The following NTM variants were observed in gnomAD, a reference collection of about 807,000 sequenced individuals.
The protein encoded by NTM is neurotrimin, also known as IgLON family member 2.
Under a neutral mutation model 42.1 loss-of-function variants are expected in NTM, and 13 were observed. The ratio of observed to expected loss-of-function variants is 0.31; its 90% CI spans 0.20 to 0.49. The LOEUF is 0.49. NTM is among the 20% of genes least tolerant of loss of function. NTM has a pLI of 0.99. For synonymous variants in NTM, 187 were observed against 179.2 expected (o/e 1.04, Z -0.35); for missense variants, 373 against 452.8 (o/e 0.82, Z 1.60).
intron 2 of NTM, among the ~76,000 whole-genome samples, chr11:131,971,777 G>A (rs1162121007): frequency 6.6e-6 from 1 of 152,008 alleles, no homozygotes; most frequent in Admixed American, 6.5e-5. Context: ...TGGGCGCAGT[G>A]GCTCACGCCT....
chr11:131,798,864 C>T (rs534731404), intron 1 of NTM, among the ~76,000 whole-genome samples: 24 of 152,316 alleles, frequency 1.6e-4, no homozygotes, highest in East Asian at 3.9e-4. Flanking sequence ...CAGATGGTAA[C>T]GCCCAGTGAA....
intron 1 of NTM, among the ~76,000 whole-genome samples, chr11:131,498,896 C>T (rs1955634351): frequency 6.6e-6 from 1 of 152,194 alleles, no homozygotes; most frequent in Non-Finnish European, 1.5e-5. Context: ...TTCTGCCTGG[C>T]ATTGTCTTGC....
chr11:131,927,511 G>A (rs1172519265), intron 2 of NTM, among the ~76,000 whole-genome samples: 1 of 152,168 alleles, frequency 6.6e-6, no homozygotes. Flanking sequence ...GTAAATGGAT[G>A]CAGCTTTGTC....
chr11:131,980,955 T>A (rs948678738), intron 2 of NTM: 2 of 152,254 alleles, frequency 1.3e-5, no homozygotes, highest in Non-Finnish European at 2.9e-5. Flanking sequence ...TATCCACCTG[T>A]CATTACTTCA....
chr11:132,133,486 C>T (rs1361621114), intron 2 of NTM, among the ~76,000 whole-genome samples: 1 of 152,180 alleles, frequency 6.6e-6, no homozygotes, highest in African/African-American at 2.4e-5. Context: ...AGTTCATCCA[C>T]ATCTTTGGAG....
At chr11:131,645,090 A>G (rs1426499248) in intron 1 of NTM, among the ~76,000 whole-genome samples, 1 of 152,146 alleles carries the variant, frequency 6.6e-6, no homozygotes, top group African/African-American at 2.4e-5. Context: ...TCTAGGCCCT[A>G]TTTTAAGTGC....
At chr11:132,127,837 T>C (rs1487717565) in intron 2 of NTM, among the ~76,000 whole-genome samples, 1 of 152,204 alleles carries the variant, frequency 6.6e-6, no homozygotes. Context: ...GGAGAAAGAG[T>C]GTCATGCCGG....
intron 4 of NTM, among the ~76,000 whole-genome samples, chr11:132,225,825 T>C (rs1260353236): frequency 6.6e-6 from 1 of 152,200 alleles, no homozygotes; most frequent in Non-Finnish European, 1.5e-5. Context: ...ACCCATCATG[T>C]ACATTAGGTA....
intron 1 of NTM, among the ~76,000 whole-genome samples, chr11:131,733,046 T>G (rs2079900138): frequency 6.6e-6 from 1 of 152,210 alleles, no homozygotes; most frequent in Admixed American, 6.5e-5. Flanking sequence ...ACCATATTGT[T>G]GATCATTAAG....
intron 1 of NTM, among the ~76,000 whole-genome samples, chr11:131,690,718 C>T (rs916066272): frequency 2.6e-5 from 4 of 152,308 alleles, no homozygotes; most frequent in South Asian, 2.1e-4. Flanking sequence ...GAAGGCAGGA[C>T]GTGGGTGCTA....
chr11:131,541,840 G>A (rs571566575), intron 1 of NTM, among the ~76,000 whole-genome samples: 125 of 152,310 alleles, frequency 8.2e-4, no homozygotes, highest in African/African-American at 2.9e-3. Context: ...TGCTCAATTA[G>A]CGTCATTTCC....
At position 132,006,132 on chromosome 11, in the gene NTM, T is replaced by G. The variant is rs369787424; in HGVS notation, c.167+94484T>G. 1.7e-3 allele frequency among the ~76,000 whole-genome samples: 253 copies of G among 152,228 alleles called. 1 individual carries two copies. The highest frequency in any genetic ancestry group is 5.8e-3 in the African/African-American group (240 of 41,550). On this transcript the variant is annotated intron_variant, in intron 2 of 8. Coordinates refer to ENST00000683400, the MANE Select transcript of NTM (RefSeq NM_001352005.2). Reference sequence around the variant, plus strand: ...TAATGCATCTTGACAACTCCTTTAATAAGAGTGCTTGGTGTTCGCATTCAA... The same window carrying G: ...TAATGCATCTTGACAACTCCTTTAAGAAGAGTGCTTGGTGTTCGCATTCAA...
At chr11:131,817,591 C>T (rs1426743033) in intron 1 of NTM, among the ~76,000 whole-genome samples, 2 of 152,122 alleles carry the variant, frequency 1.3e-5, no homozygotes, top group Non-Finnish European at 2.9e-5. Context: ...GGGGAGAGCC[C>T]ACCTGAACAT....
At chr11:132,151,188 A>G (rs1304350738) in intron 3 of NTM, among the ~76,000 whole-genome samples, 1 of 152,232 alleles carries the variant, frequency 6.6e-6, no homozygotes, top group Non-Finnish European at 1.5e-5. Context: ...TGAAAAAGCC[A>G]TACTACTGTC....
intron 1 of NTM, among the ~76,000 whole-genome samples, chr11:131,397,495 G>A (rs1182833967): frequency 2.6e-5 from 4 of 152,146 alleles, no homozygotes; most frequent in African/African-American, 7.2e-5. Flanking sequence ...CTGAATTGAA[G>A]CCCAGCTTCT....
intron 2 of NTM, among the ~76,000 whole-genome samples, chr11:131,920,988 C>T (rs551857745): frequency 6.6e-6 from 1 of 152,150 alleles, no homozygotes; most frequent in Non-Finnish European, 1.5e-5. Context: ...ATTTACCTGT[C>T]AGGAGGGCTC....
At chr11:131,763,180 C>T (rs1422476996) in intron 1 of NTM, among the ~76,000 whole-genome samples, 6 of 152,138 alleles carry the variant, frequency 3.9e-5, no homozygotes. Flanking sequence ...AGCCTGACTG[C>T]CAAGCTTTGG....
At chr11:131,422,098 C>T (rs1405251647) in intron 1 of NTM, among the ~76,000 whole-genome samples, 4 of 152,284 alleles carry the variant, frequency 2.6e-5, no homozygotes, top group Admixed American at 6.5e-5. Context: ...GTAGGCATCC[C>T]GTCTACTTTG....
intron 1 of NTM, among the ~76,000 whole-genome samples, chr11:131,610,412 G>A (rs965166660): frequency 3.9e-5 from 6 of 152,172 alleles, no homozygotes; most frequent in African/African-American, 1.4e-4. Flanking sequence ...TTTGGCCCAC[G>A]GAATTCATTA....
Sources: gnomAD v4.1 joint callset for allele counts (sites outside exome capture counted in the v4.1 genomes callset) on GRCh38, gnomAD v4.1.1 for gene constraint, MANE v1.5 for transcripts, NCBI Gene and HGNC (gene_info 2026-07-23, HGNC 2026-07-21) for gene names.